TAFA2: variants seen among roughly 807,000 people sequenced by gnomAD.
TAFA2 encodes chemokine-like protein TAFA-2.
In TAFA2, 7 loss-of-function variants were observed where a neutral mutation model predicts 18.8. That is an observed-to-expected ratio of 0.37 (90% CI 0.21 to 0.70). TAFA2 has a LOEUF of 0.70. Ranked by LOEUF, TAFA2 falls within the 30% of genes least tolerant of loss-of-function variation. The probability of loss-of-function intolerance (pLI) is 0.53; values close to 1 mark genes in which losing one functional copy is unlikely to be tolerated. For synonymous variants in TAFA2, 60 were observed against 54.2 expected, an observed-to-expected ratio of 1.11 and a Z score of -0.47; for missense variants, 122 against 158.1, an observed-to-expected ratio of 0.77 and a Z score of 1.23.
At chr12:61,854,118 T>C (rs991147242) in intron 2 of TAFA2, among the ~76,000 whole-genome samples, 2 of 152,072 alleles carry the variant, frequency 1.3e-5, no homozygotes, top group South Asian at 4.1e-4. Context: ...GCTTCTAGTA[T>C]AGAAGACAGA....
chr12:61,743,080 C>T (rs745613493), intron 4 of TAFA2, among the ~76,000 whole-genome samples: 10 of 152,098 alleles, frequency 6.6e-5, no homozygotes, highest in Non-Finnish European at 1.5e-4. Context: ...ACAAACTCAA[C>T]CTGCCATGAT....
intron 1 of TAFA2, among the ~76,000 whole-genome samples, chr12:61,926,419 T>G (rs1398403442): frequency 6.6e-6 from 1 of 152,202 alleles, no homozygotes; most frequent in African/African-American, 2.4e-5. Context: ...CCAATATCCC[T>G]GATGAACATC....
intron 2 of TAFA2, among the ~76,000 whole-genome samples, chr12:61,809,059 C>T (rs901890354): frequency 5.9e-5 from 9 of 151,480 alleles, no homozygotes; most frequent in Admixed American, 6.6e-5. Flanking sequence ...ACAGATGACA[C>T]CCAAGTTTGA....
At chr12:62,049,494 T>C (rs550383851) in intron 1 of TAFA2, among the ~76,000 whole-genome samples, 24 of 152,168 alleles carry the variant, frequency 1.6e-4, no homozygotes, top group African/African-American at 4.8e-4. Flanking sequence ...TTGGATGAGG[T>C]TGTAAAGGGA....
chr12:61,868,623 G>A lies in TAFA2; in HGVS notation c.-1-1197C>T, dbSNP rs74852538. Among the ~76,000 whole-genome samples, 609 of 152,156 alleles carry A rather than the reference G, an allele frequency of 4.0e-3. 2 individuals are homozygous for A. Among genetic ancestry groups the A allele is most frequent in the Middle Eastern group, 0.027 (8 of 294 alleles). ...TCTATCTCCAAAAATGTGACTCAAAGGTAGAACAGGTGGCTATACAATTTC... is the reference window on the plus strand; with the variant it reads ...TCTATCTCCAAAAATGTGACTCAAAAGTAGAACAGGTGGCTATACAATTTC... On this transcript the variant is annotated intron_variant, in intron 1 of 4. Coordinates refer to ENST00000416284, the MANE Select transcript of TAFA2 (RefSeq NM_178539.5).
At position 61,814,362 on chromosome 12, in the gene TAFA2, G is replaced by C. The variant is rs993516653; in HGVS notation, c.106+52958C>G. Among the ~76,000 whole-genome samples the C allele has an allele frequency of 5.9e-5, 9 of 151,378 alleles. 1 individual carries two copies. Among genetic ancestry groups the C allele is most frequent in the Admixed American group, 2.6e-4 (4 of 15,262 alleles). On this transcript the variant is annotated intron_variant, in intron 2 of 4. Coordinates refer to ENST00000416284, the MANE Select transcript of TAFA2 (RefSeq NM_178539.5). ...GAGGTAACAGGAGCCCCATGATTCAGGGCCTTGTGAACCAACTTAAGGAGT... is the reference window on the plus strand; with the variant it reads ...GAGGTAACAGGAGCCCCATGATTCACGGCCTTGTGAACCAACTTAAGGAGT...
At chr12:62,060,057 G>A (rs1882303780) in intron 1 of TAFA2, among the ~76,000 whole-genome samples, 1 of 152,116 alleles carries the variant, frequency 6.6e-6, no homozygotes, top group African/African-American at 2.4e-5. Context: ...CACAGTTTCT[G>A]GGGGTCAGGA....
chr12:61,787,147 G>A (rs1188165787), intron 2 of TAFA2, among the ~76,000 whole-genome samples: 1 of 151,218 alleles, frequency 6.6e-6, no homozygotes, highest in Non-Finnish European at 1.5e-5. Context: ...AGGAGAAAAT[G>A]GGATGACACA....
At chr12:62,220,398 C>T (rs749962919) in intron 1 of TAFA2, among the ~76,000 whole-genome samples, 1 of 152,132 alleles carries the variant, frequency 6.6e-6, no homozygotes, top group Admixed American at 6.5e-5. Context: ...ATTACAACCC[C>T]AAATCCTGGT....
At chr12:61,754,227 T>C (rs918168168) in intron 3 of TAFA2, among the ~76,000 whole-genome samples, 1 of 151,958 alleles carries the variant, frequency 6.6e-6, no homozygotes, top group African/African-American at 2.4e-5. Context: ...AGGGTGTTTA[T>C]CAGAGTTATC....
chr12:61,962,216 T>C (rs533213560), intron 1 of TAFA2, among the ~76,000 whole-genome samples: 1 of 152,144 alleles, frequency 6.6e-6, no homozygotes, highest in South Asian at 2.1e-4. Context: ...GAAAAGTAAT[T>C]TATTTAAGTA....
chr12:62,197,860 C>T (rs2062655174), intron 1 of TAFA2, among the ~76,000 whole-genome samples: 1 of 152,104 alleles, frequency 6.6e-6, no homozygotes, highest in Non-Finnish European at 1.5e-5. Context: ...TCTTAATGAA[C>T]ATTTGGGTTA....
intron 2 of TAFA2, among the ~76,000 whole-genome samples, chr12:61,836,742 T>TATATATAC (rs1872940053): frequency 7.0e-6 from 1 of 142,632 alleles, no homozygotes; most frequent in Non-Finnish European, 1.5e-5. Context: ...GATATATATA[T>TATATATAC]ATATATATAT....
At chr12:61,923,160 A>C (rs1444544844) in intron 1 of TAFA2, among the ~76,000 whole-genome samples, 4 of 152,226 alleles carry the variant, frequency 2.6e-5, no homozygotes, top group African/African-American at 9.6e-5. Flanking sequence ...AGGCGGCTGT[A>C]GGTGCAGCTT....
intron 4 of TAFA2, among the ~76,000 whole-genome samples, chr12:61,716,842 G>A (rs1478714687): frequency 2.6e-5 from 4 of 152,184 alleles, no homozygotes; most frequent in East Asian, 1.9e-4. Flanking sequence ...ACTTCTAAGA[G>A]GAGGCAGAAG....
At chr12:62,249,512 C>T (rs530269170) in intron 1 of TAFA2, among the ~76,000 whole-genome samples, 55 of 152,246 alleles carry the variant, frequency 3.6e-4, no homozygotes, top group African/African-American at 9.9e-4. Flanking sequence ...CCTCTCCCCA[C>T]GCTCTCCCAC....
intron 1 of TAFA2, among the ~76,000 whole-genome samples, chr12:62,044,336 CAAA>C (rs1007810328): frequency 6.6e-6 from 1 of 151,816 alleles, no homozygotes; most frequent in African/African-American, 2.4e-5. Context: ...CTTAGAGTAA[CAAA>C]AAGTCTATAA....
intron 1 of TAFA2, among the ~76,000 whole-genome samples, chr12:61,909,768 CA>C (rs1876522313): frequency 6.6e-6 from 1 of 152,108 alleles, no homozygotes; most frequent in Non-Finnish European, 1.5e-5. Flanking sequence ...AGAGGCACCA[CA>C]AACCTGTGAA....
chr12:62,161,035 A>T (rs1463813515), intron 1 of TAFA2, among the ~76,000 whole-genome samples: 1 of 152,242 alleles, frequency 6.6e-6, no homozygotes, highest in African/African-American at 2.4e-5. Context: ...ATGACAATTA[A>T]AGATACGGTA....
Sources: allele counts gnomAD v4.1 joint callset (sites outside exome capture counted in the v4.1 genomes callset), GRCh38; gene constraint gnomAD v4.1.1; transcripts MANE v1.5; gene names NCBI Gene and HGNC (gene_info 2026-07-23, HGNC 2026-07-21).